CNTN5: variants seen among roughly 807,000 people sequenced by gnomAD.
CNTN5 encodes contactin-5.
CNTN5 carries 77 observed loss-of-function variants against 129.1 expected under a neutral mutation model. That is an observed-to-expected ratio of 0.60 (90% CI 0.50 to 0.72). The LOEUF (loss-of-function observed/expected upper bound fraction) is 0.72, where lower values mean the gene tolerates loss of function less well. Among genes scored for constraint, CNTN5 ranks in the 30% least tolerant of loss-of-function variants. The pLI, the probability that CNTN5 is intolerant of heterozygous loss-of-function variation, is 0.00. For synonymous variants in CNTN5, 509 were observed against 465.6 expected (o/e 1.09, Z -1.20); for missense variants, 1,478 against 1,328.8 (o/e 1.11, Z -1.75).
intron 3 of CNTN5, among the ~76,000 whole-genome samples, chr11:99,701,222 A>T (rs892700551): frequency 6.6e-6 from 1 of 151,330 alleles, no homozygotes; most frequent in African/African-American, 2.4e-5. Context: ...AAAGAATGCA[A>T]ATGAGCTTCA....
At chr11:99,102,315 T>C (rs1866773954) in intron 1 of CNTN5, among the ~76,000 whole-genome samples, 1 of 152,204 alleles carries the variant, frequency 6.6e-6, no homozygotes, top group Admixed American at 6.5e-5. Context: ...CCCCATTGTC[T>C]TGGCAATTAA....
chr11:99,973,530 C>G (rs548232849), intron 8 of CNTN5, among the ~76,000 whole-genome samples: 35 of 152,200 alleles, frequency 2.3e-4, no homozygotes, highest in Admixed American at 6.5e-4. Context: ...TATGCTCTAC[C>G]TGATTTTTCT....
At chr11:99,742,962 C>CT (rs1943932622) in intron 3 of CNTN5, among the ~76,000 whole-genome samples, 1 of 152,198 alleles carries the variant, frequency 6.6e-6, no homozygotes, top group African/African-American at 2.4e-5. Context: ...ACTTTACCTA[C>CT]TGACATGTTT....
chr11:99,819,734 T>G lies in CNTN5; in HGVS notation c.246T>G (p.Leu82=). ...AAQNYYSPIN[L]YHSSDAFKQD... ...AGAATTATTATTCCCCCATCAATCT[T>G]TATCATTCCTCAGATGCCTTCAAAC... Residue 82 remains leucine (L), a synonymous_variant, in exon 4 of 25, where the codon CTT becomes CTG. Transcript: ENST00000524871. 3 of 1,607,282 alleles carry G rather than the reference T, an allele frequency of 1.9e-6. No individual in the cohort carries two copies. The highest frequency in any genetic ancestry group is 2.5e-6 in the Non-Finnish European group (3 of 1,177,134).
chr11:99,356,121 C>T (rs866181038), intron 2 of CNTN5, among the ~76,000 whole-genome samples: 105 of 152,130 alleles, frequency 6.9e-4, no homozygotes, highest in African/African-American at 2.4e-3. Flanking sequence ...CCACCGCGCC[C>T]GGCCTCTGTC....
At chr11:100,126,647 A>T (rs1216634709) in intron 13 of CNTN5, among the ~76,000 whole-genome samples, 1 of 151,558 alleles carries the variant, frequency 6.6e-6, no homozygotes, top group Non-Finnish European at 1.5e-5. Context: ...TCTTTCTTGA[A>T]CCCTTTACTT....
intron 2 of CNTN5, among the ~76,000 whole-genome samples, chr11:99,342,812 C>T (rs1008678242): frequency 6.6e-6 from 1 of 151,710 alleles, no homozygotes; most frequent in Non-Finnish European, 1.5e-5. Flanking sequence ...ATTTTTAGGA[C>T]TATAAAAAAA....
chr11:99,763,385 C>A (rs913781955), intron 3 of CNTN5, among the ~76,000 whole-genome samples: 1 of 152,058 alleles, frequency 6.6e-6, no homozygotes, highest in African/African-American at 2.4e-5. Context: ...AGTAAAAATT[C>A]TAACTCATGT....
At chr11:99,262,373 G>T (rs1305855170) in intron 1 of CNTN5, among the ~76,000 whole-genome samples, 1 of 152,034 alleles carries the variant, frequency 6.6e-6, no homozygotes, top group Non-Finnish European at 1.5e-5. Flanking sequence ...GGAATTTCAT[G>T]ATGATAATTA....
At position 100,321,966 on chromosome 11, in the gene CNTN5, T is replaced by C. The variant is rs1024299512; in HGVS notation, c.2730+13498T>C. On this transcript the variant is annotated intron_variant, in intron 21 of 24. Coordinates refer to ENST00000524871, the MANE Select transcript of CNTN5 (RefSeq NM_014361.4). ...GTATTTTCTTGAGGGTTTTTGCATG[T>C]ATATTAATCAGGGATATTGGCATAT... is the stretch of plus-strand genomic sequence containing the variant. 2.5e-4 allele frequency among the ~76,000 whole-genome samples: 38 copies of C among 152,214 alleles called. 1 individual carries two copies. The highest frequency in any genetic ancestry group is 1.3e-4 in the Admixed American group (2 of 15,280).
intron 3 of CNTN5, among the ~76,000 whole-genome samples, chr11:99,723,541 A>C (rs1280333750): frequency 2.0e-5 from 3 of 152,136 alleles, no homozygotes; most frequent in African/African-American, 7.2e-5. Flanking sequence ...CACCACACCT[A>C]TCTTGCATTT....
intron 10 of CNTN5, among the ~76,000 whole-genome samples, chr11:100,069,669 TAC>T (rs1156360848): frequency 2.6e-5 from 4 of 152,204 alleles, no homozygotes; most frequent in Admixed American, 6.5e-5. Flanking sequence ...ATAAATATTT[TAC>T]AGTTTTTGCC....
intron 1 of CNTN5, among the ~76,000 whole-genome samples, chr11:99,202,784 A>C (rs1200620784): frequency 6.6e-6 from 1 of 150,676 alleles, no homozygotes; most frequent in African/African-American, 2.4e-5. Context: ...AAATATAAAT[A>C]TATATTTTAA....
intron 8 of CNTN5, among the ~76,000 whole-genome samples, chr11:99,963,326 AT>A (rs1171076023): frequency 6.6e-6 from 1 of 152,062 alleles, no homozygotes; most frequent in Non-Finnish European, 1.5e-5. Context: ...ATCTTGAATT[AT>A]TTTTTGTATA....
At chr11:99,862,161 T>A (rs1035602219) in intron 6 of CNTN5, among the ~76,000 whole-genome samples, 4 of 152,218 alleles carry the variant, frequency 2.6e-5, no homozygotes, top group African/African-American at 9.6e-5. Flanking sequence ...TTTACAACCC[T>A]GGCATCTCTG....
chr11:99,769,007 C>T (rs1944853922), intron 3 of CNTN5, among the ~76,000 whole-genome samples: 1 of 150,064 alleles, frequency 6.7e-6, no homozygotes, highest in African/African-American at 2.4e-5. Flanking sequence ...TGGCATTCCT[C>T]TGTTTAAAAG....
At chr11:99,663,201 G>T (rs1038138476) in intron 3 of CNTN5, among the ~76,000 whole-genome samples, 1 of 152,156 alleles carries the variant, frequency 6.6e-6, no homozygotes, top group Non-Finnish European at 1.5e-5. Flanking sequence ...GAGTGCAGTG[G>T]CTCATGCCTG....
At chr11:100,156,796 T>C (rs1440275404) in intron 13 of CNTN5, among the ~76,000 whole-genome samples, 1 of 152,130 alleles carries the variant, frequency 6.6e-6, no homozygotes, top group Non-Finnish European at 1.5e-5. Flanking sequence ...GAGGTATTTA[T>C]AGATTCTCTG....
chr11:100,336,922 C>T lies in CNTN5; in HGVS notation c.2731-3541C>T, dbSNP rs1952049118. The stretch of plus-strand genomic sequence containing the variant: ...AGGGCAGCCGGTGAATACATGCAGT[C>T]CCCGGTAGGCTTTGGATCGCGGGCA... On this transcript the variant is annotated intron_variant, in intron 21 of 24. Coordinates refer to ENST00000524871, the MANE Select transcript of CNTN5 (RefSeq NM_014361.4). 6.4e-6 allele frequency: 4 copies of T among 627,620 alleles called. No homozygotes were observed. In the East Asian group the frequency reaches 8.3e-5, roughly 13 times the overall value. The allele number at this position is 627,620 out of a possible 1,614,324, so 38.9% of individuals were successfully genotyped here.
Sources: gnomAD v4.1 joint callset for allele counts (sites outside exome capture counted in the v4.1 genomes callset) on GRCh38, gnomAD v4.1.1 for gene constraint, MANE v1.5 for transcripts, NCBI Gene and HGNC (gene_info 2026-07-23, HGNC 2026-07-21) for gene names.